YWHAQ: variants seen among roughly 807,000 people sequenced by gnomAD.
YWHAQ encodes tyrosine 3-monooxygenase/tryptophan 5-monooxygenase activation protein theta.
A neutral mutation model predicts 28.3 loss-of-function variants in YWHAQ; 6 were observed. The ratio of observed to expected loss-of-function variants is 0.21; its 90% confidence interval spans 0.12 to 0.42. The LOEUF is 0.42. Among genes scored for constraint, YWHAQ ranks in the 10% least tolerant of loss-of-function variants. The pLI is 1.00. For synonymous variants in YWHAQ, 143 were observed against 119.1 expected (o/e 1.20, Z -1.31); for missense variants, 201 against 305.6 (o/e 0.66, Z 2.55).
At chr2:9,611,731 T>A (rs1572999624) in intron 2 of YWHAQ, among the ~76,000 whole-genome samples, 1 of 152,162 alleles carries the variant, frequency 6.6e-6, no homozygotes, top group African/African-American at 2.4e-5. Context: ...AATGCAGTGG[T>A]GCGATGTCAG....
Position 9,584,979 on chromosome 2 carries a change from A to C in YWHAQ, c.*307T>G. On this transcript the variant is annotated 3_prime_UTR_variant, in exon 6 of 6. Transcript: ENST00000238081. The stretch of plus-strand genomic sequence containing the variant: ...AATACAAAACACAGTCACTTGCAGA[A>C]CTGGTTCAGATTACTTAAATACCAG... The C allele has an allele frequency of 3.4e-6, 1 of 295,952 alleles. No individual in the cohort carries two copies. The highest frequency in any genetic ancestry group is 6.3e-5 in the East Asian group (1 of 15,860). 18.3% of individuals were successfully genotyped at this position (295,952 alleles called of 1,614,324 possible).
chr2:9,597,383 C>T (rs1447424033), intron 2 of YWHAQ, among the ~76,000 whole-genome samples: 1 of 152,150 alleles, frequency 6.6e-6, no homozygotes, highest in Non-Finnish European at 1.5e-5. Context: ...CACAGTGGCT[C>T]ACGCCTATAA....
chr2:9,598,241 T>C (rs1666619225), intron 2 of YWHAQ, among the ~76,000 whole-genome samples: 1 of 152,092 alleles, frequency 6.6e-6, no homozygotes, highest in Non-Finnish European at 1.5e-5. Flanking sequence ...ATCAGATCCT[T>C]ACATCCTTGT....
chr2:9,625,443 C>G (rs1667231601), intron 2 of YWHAQ, among the ~76,000 whole-genome samples: 1 of 152,150 alleles, frequency 6.6e-6, no homozygotes, highest in African/African-American at 2.4e-5. Context: ...TCGTTAGAAG[C>G]ATTAATGTCT....
chr2:9,597,752 T>C (rs904266526), intron 2 of YWHAQ, among the ~76,000 whole-genome samples: 2 of 150,746 alleles, frequency 1.3e-5, no homozygotes, highest in African/African-American at 4.9e-5. Context: ...AAATGAAGTA[T>C]GGAATGAAGT....
At chr2:9,600,574 G>A (rs1329491395) in intron 2 of YWHAQ, among the ~76,000 whole-genome samples, 1 of 152,012 alleles carries the variant, frequency 6.6e-6, no homozygotes, top group African/African-American at 2.4e-5. Context: ...GTGTGGTGGT[G>A]CATGCCTGTA....
intron 2 of YWHAQ, among the ~76,000 whole-genome samples, chr2:9,596,089 T>A (rs1666564338): frequency 6.6e-6 from 1 of 152,152 alleles, no homozygotes; most frequent in East Asian, 1.9e-4. Context: ...ATAAGTTTAA[T>A]CTTAGAAAAA....
chr2:9,611,842 C>T (rs183620809), intron 2 of YWHAQ, among the ~76,000 whole-genome samples: 104 of 152,190 alleles, frequency 6.8e-4, no homozygotes, highest in African/African-American at 2.3e-3. Context: ...AGCTAATTTT[C>T]GTATTTTTAG....
chr2:9,629,634 T>C (rs1433711067), intron 2 of YWHAQ, among the ~76,000 whole-genome samples: 1 of 151,682 alleles, frequency 6.6e-6, no homozygotes, highest in African/African-American at 2.4e-5. Flanking sequence ...TCCCCTCCTC[T>C]CCTGTTTATG....
intron 2 of YWHAQ, among the ~76,000 whole-genome samples, chr2:9,602,884 T>A (rs1463989441): frequency 4.5e-5 from 4 of 89,866 alleles, no homozygotes; most frequent in South Asian, 4.4e-4. Flanking sequence ...TATATATATA[T>A]ATATATATAT....
chr2:9,619,146 G>A (rs764183271), intron 2 of YWHAQ, among the ~76,000 whole-genome samples: 2 of 152,210 alleles, frequency 1.3e-5, no homozygotes, highest in Non-Finnish European at 2.9e-5. Context: ...TTCATCAATA[G>A]CTAAAATAAG....
At chr2:9,604,207 A>G (rs565670685) in intron 2 of YWHAQ, among the ~76,000 whole-genome samples, 1 of 152,306 alleles carries the variant, frequency 6.6e-6, no homozygotes, top group South Asian at 2.1e-4. Context: ...TTATGGAGTT[A>G]GAAGAATTTT....
At chr2:9,593,923 T>TATATAC (rs377495113) in intron 2 of YWHAQ, among the ~76,000 whole-genome samples, 9,976 of 134,820 alleles carry the variant, frequency 0.074, 389 homozygotes, top group Non-Finnish European at 0.093. Flanking sequence ...TATATATATA[T>TATATAC]ACACACACAC....
At chr2:9,598,145 A>G (rs1470884431) in intron 2 of YWHAQ, among the ~76,000 whole-genome samples, 1 of 152,078 alleles carries the variant, frequency 6.6e-6, no homozygotes, top group African/African-American at 2.4e-5. Flanking sequence ...AGCAAACCTT[A>G]TAACCAATGC....
intron 2 of YWHAQ, among the ~76,000 whole-genome samples, chr2:9,600,659 C>T (rs10202035): frequency 0.011 from 1,681 of 151,920 alleles, 31 homozygotes; most frequent in African/African-American, 0.038. Context: ...GAGCCGAGGT[C>T]GCGCCATTGC....
intron 2 of YWHAQ, among the ~76,000 whole-genome samples, chr2:9,601,600 G>A (rs748141258): frequency 1.2e-3 from 176 of 152,158 alleles, no homozygotes; most frequent in Non-Finnish European, 2.2e-3. Context: ...GGCATACACT[G>A]AGAACCACAC....
At position 9,587,441 on chromosome 2, in the gene YWHAQ, G is replaced by A. The variant is rs1666367293; in HGVS notation, c.651C>T (p.Ile217=). ...NEDSYKDSTL[I]MQLLRDNLTL... ...TTAGGTTGTCTCTAAGCAACTGCAT[G>A]ATGAGGGTGCTGTCTTTGTATGAGT... Residue 217 remains isoleucine (I), a synonymous_variant, in exon 5 of 6, where the codon ATC becomes ATT. Transcript: ENST00000238081. 9 of 1,612,008 alleles carry A rather than the reference G, an allele frequency of 5.6e-6. No individual in the cohort carries two copies. The East Asian group carries it at 2.0e-4, about 36-fold the overall frequency.
intron 2 of YWHAQ, among the ~76,000 whole-genome samples, chr2:9,593,976 AACACACACACAC>A (rs371022884): frequency 1.4e-4 from 21 of 145,852 alleles, no homozygotes; most frequent in African/African-American, 5.1e-4. Flanking sequence ...AGGAAGTTAA[AACACACACACAC>A]ACACACACAC....
Position 9,630,437 on chromosome 2 carries a change from G to A in YWHAQ, c.16C>T (p.Leu6=), listed in dbSNP as rs948687072. 7 of 1,609,558 alleles carry A rather than the reference G, an allele frequency of 4.3e-6. No homozygotes were observed. Among genetic ancestry groups the A allele is most frequent in the Non-Finnish European group, 5.9e-6 (7 of 1,179,394 alleles). The change falls in exon 2 of 6, where the codon CTG becomes TTG. Residue 6 remains leucine, a synonymous_variant. Coordinates refer to ENST00000238081, the MANE Select transcript of YWHAQ (RefSeq NM_006826.4). This position sits in a 1 kb window ranked among gnomAD's most constrained non-coding sequence, Gnocchi z 5.6. MEKTE[L]IQKAKLAEQA... Reference sequence around the variant, plus strand: ...TCGGCCAGCTTGGCCTTCTGGATCAGCTCAGTCTTCTCCATGGCGGGCGCG... The same window carrying A: ...TCGGCCAGCTTGGCCTTCTGGATCAACTCAGTCTTCTCCATGGCGGGCGCG...
Sources: allele counts gnomAD v4.1 joint callset (sites outside exome capture counted in the v4.1 genomes callset), GRCh38; gene constraint gnomAD v4.1.1; non-coding constraint Gnocchi (gnomAD v3.1); transcripts MANE v1.5; gene names NCBI Gene and HGNC (gene_info 2026-07-23, HGNC 2026-07-21).